The following SLCO4C1 variants were observed in gnomAD, a reference collection of about 807,000 sequenced individuals.
SLCO4C1 encodes organic anion transporter M1.
A neutral mutation model predicts 72.1 loss-of-function variants in SLCO4C1; 58 were observed. The observed-to-expected ratio is 0.80, with a 90% confidence interval of 0.65 to 1.00. The LOEUF is 1.00. SLCO4C1 is among the 50% of genes least tolerant of loss of function. The probability of loss-of-function intolerance (pLI) is 0.00; values close to 1 mark genes in which losing one functional copy is unlikely to be tolerated. For synonymous variants in SLCO4C1, 297 were observed against 312.5 expected, an observed-to-expected ratio of 0.95 and a Z score of 0.52; for missense variants, 898 against 857.9, an observed-to-expected ratio of 1.05 and a Z score of -0.58.
chr5:102,274,498 C>T (rs1266863204), intron 2 of SLCO4C1, among the ~76,000 whole-genome samples: 1 of 152,198 alleles, frequency 6.6e-6, no homozygotes, highest in Non-Finnish European at 1.5e-5. Context: ...GCTCTCCAAG[C>T]ATTTGCCCTA....
intron 2 of SLCO4C1, among the ~76,000 whole-genome samples, chr5:102,275,868 A>G (rs968633184): frequency 1.3e-5 from 2 of 152,148 alleles, no homozygotes; most frequent in Admixed American, 6.6e-5. Flanking sequence ...TCTATAAATC[A>G]CTTTTGAAAA....
chr5:102,290,489 A>G (rs1749531916), intron 2 of SLCO4C1, among the ~76,000 whole-genome samples: 2 of 152,200 alleles, frequency 1.3e-5, no homozygotes, highest in South Asian at 4.1e-4. Flanking sequence ...ACAAACATCC[A>G]CACTATAGCA....
chr5:102,258,213 C>T, intron 6 of SLCO4C1, 126 bp from the exon 7 acceptor site: 1 of 665,682 alleles, frequency 1.5e-6, no homozygotes, highest in East Asian at 3.3e-5. Flanking sequence ...GCATTTCCTC[C>T]AAAACAAAAA....
chr5:102,268,383 A>T (rs1452236114), intron 3 of SLCO4C1, among the ~76,000 whole-genome samples: 2 of 151,998 alleles, frequency 1.3e-5, no homozygotes, highest in African/African-American at 4.8e-5. Context: ...GTATTTTTTG[A>T]CTTAGACTAT....
At chr5:102,243,026 A>G (rs921416716) in intron 10 of SLCO4C1, among the ~76,000 whole-genome samples, 10 of 152,106 alleles carry the variant, frequency 6.6e-5, no homozygotes, top group African/African-American at 2.2e-4. Context: ...TGACTTAAAG[A>G]GGCAGTGGGC....
intron 8 of SLCO4C1, among the ~76,000 whole-genome samples, chr5:102,255,544 G>A (rs1748818309): frequency 6.6e-6 from 1 of 152,088 alleles, no homozygotes; most frequent in African/African-American, 2.4e-5. Flanking sequence ...ACTATTTCTA[G>A]ACACATAATC....
chr5:102,238,224 A>G (rs1748474783), intron 12 of SLCO4C1, among the ~76,000 whole-genome samples: 2 of 152,186 alleles, frequency 1.3e-5, no homozygotes, highest in African/African-American at 4.8e-5. Flanking sequence ...TAGGAAAATG[A>G]ATGATTTGTT....
chr5:102,242,053 A>G (rs982762509), intron 10 of SLCO4C1, among the ~76,000 whole-genome samples: 2 of 152,182 alleles, frequency 1.3e-5, no homozygotes, highest in Non-Finnish European at 2.9e-5. Flanking sequence ...AGAATAGAGC[A>G]ATTGTGAGGC....
intron 9 of SLCO4C1, 132 bp downstream of exon 9, chr5:102,249,506 A>G: frequency 1.2e-6 from 1 of 820,984 alleles, no homozygotes; most frequent in Non-Finnish European, 1.9e-6. Flanking sequence ...TCAGCTGGAG[A>G]CATCATGGGC....
At chr5:102,248,565 T>C (rs144334671) in intron 9 of SLCO4C1, among the ~76,000 whole-genome samples, 173 of 152,246 alleles carry the variant, frequency 1.1e-3, no homozygotes, top group Non-Finnish European at 2.0e-3. Flanking sequence ...TCTATATATA[T>C]TTAGTTATGT....
intron 10 of SLCO4C1, among the ~76,000 whole-genome samples, chr5:102,245,445 G>C (rs1000105382): frequency 2.0e-5 from 3 of 152,064 alleles, no homozygotes; most frequent in African/African-American, 7.2e-5. Context: ...AAGAGACAAA[G>C]AAAGTCACTA....
intron 4 of SLCO4C1, 22 bp from the exon 5 acceptor site, chr5:102,262,055 G>A: frequency 6.3e-7 from 1 of 1,586,806 alleles, no homozygotes. Context: ...AAAAACAAGA[G>A]GTAAAAGTCA....
chr5:102,257,190 A>C lies in SLCO4C1; in HGVS notation c.1394T>G (p.Leu465Arg), dbSNP rs755102400. 6.2e-7 allele frequency: 1 copy of C among 1,608,466 alleles called. No individual in the cohort carries two copies. The highest frequency in any genetic ancestry group is 1.7e-5 in the Admixed American group (1 of 58,884). ...KFALFTSGVA[L>R]TLSFVFMYAK... is the part of the protein sequence containing the mutation. ...ATACATAAATACAAAACTCAGCGTA[A>C]GTGCAACTCCAGATGTGAACAGTGC... The change falls in exon 8 of 13, where the codon CTT becomes CGT. Residue 465 changes from leucine (L) to arginine (R), a missense_variant. By Grantham distance (102) the Leu-to-Arg change is moderately radical. Coordinates refer to ENST00000310954, the MANE Select transcript of SLCO4C1 (RefSeq NM_180991.5).
chr5:102,270,726 A>G lies in SLCO4C1; in HGVS notation c.700T>C (p.Leu234=). ...CCTGCCCCCAGCAATAGTTGTCCCAAGATGAAGACATACAAGTAGTTAGAA... is the reference window on the plus strand; with the variant it reads ...CCTGCCCCCAGCAATAGTTGTCCCAGGATGAAGACATACAAGTAGTTAGAA... ...SLSNYLYVFI[L]GQLLLGAGGT... is the part of the protein sequence containing the mutation. The change falls in exon 3 of 13, where the codon TTG becomes CTG. Residue 234 remains leucine, a synonymous_variant. Transcript: ENST00000310954. 1 of 1,613,224 alleles carries G rather than the reference A, an allele frequency of 6.2e-7. No homozygotes were observed. The highest frequency in any genetic ancestry group is 1.3e-5 in the African/African-American group (1 of 74,982).
At position 102,296,271 on chromosome 5, in the gene SLCO4C1, G is replaced by A. The variant is rs1347412207; in HGVS notation, c.-9C>T. ...CCTTTGGCGCTCTTCATGTCTGGAT[G>A]GGTTCTCCCGACTCCGGTGCTTCAG... is the stretch of plus-strand genomic sequence containing the variant. On this transcript the variant is annotated 5_prime_UTR_variant, in exon 1 of 13. Transcript: ENST00000310954. 1 of 1,514,464 alleles carries A rather than the reference G, an allele frequency of 6.6e-7. No individual in the cohort carries two copies. The highest frequency in any genetic ancestry group is 1.4e-5 in the African/African-American group (1 of 71,652). The allele number at this position is 1,514,464 out of a possible 1,614,324, so 93.8% of individuals were successfully genotyped here. A position where few individuals can be genotyped will look rare whatever the true frequency, so the allele number is the denominator to read the frequency against.
chr5:102,276,532 C>T (rs1367259540), intron 2 of SLCO4C1, among the ~76,000 whole-genome samples: 1 of 152,170 alleles, frequency 6.6e-6, no homozygotes, highest in African/African-American at 2.4e-5. Flanking sequence ...CCCTTTACCA[C>T]TGCCTATACC....
intron 10 of SLCO4C1, among the ~76,000 whole-genome samples, chr5:102,242,976 T>C (rs1298873026): frequency 1.3e-5 from 2 of 152,066 alleles, no homozygotes; most frequent in Non-Finnish European, 2.9e-5. Context: ...CTCTCTGCCC[T>C]GAAGGGTGAG....
At chr5:102,284,000 C>T (rs889277326) in intron 2 of SLCO4C1, among the ~76,000 whole-genome samples, 2 of 152,160 alleles carry the variant, frequency 1.3e-5, no homozygotes, top group African/African-American at 4.8e-5. Flanking sequence ...ATTTTAGCTT[C>T]CTTTTCACAC....
intron 2 of SLCO4C1, among the ~76,000 whole-genome samples, chr5:102,282,946 T>C (rs778751431): frequency 6.6e-6 from 1 of 152,026 alleles, no homozygotes; most frequent in Non-Finnish European, 1.5e-5. Context: ...TTTTACAAAG[T>C]ACATATCATG....
Sources: gnomAD v4.1 joint callset for allele counts (sites outside exome capture counted in the v4.1 genomes callset) on GRCh38, gnomAD v4.1.1 for gene constraint, MANE v1.5 for transcripts, NCBI Gene and HGNC (gene_info 2026-07-23, HGNC 2026-07-21) for gene names.